The following ZFAT variants were observed in gnomAD, a reference collection of about 807,000 sequenced individuals.
ZFAT encodes the protein zinc finger protein ZFAT.
In ZFAT, 64 loss-of-function variants were observed where a neutral mutation model predicts 117.7. That is an observed-to-expected ratio of 0.54 (90% CI 0.44 to 0.67). The LOEUF (loss-of-function observed/expected upper bound fraction) is 0.67. Among genes scored for constraint, ZFAT ranks in the 30% least tolerant of loss-of-function variants. The probability of loss-of-function intolerance (pLI) is 0.00; values close to 1 mark genes in which losing one functional copy is unlikely to be tolerated. For synonymous variants in ZFAT, 679 were observed against 615.0 expected (o/e 1.10, Z -1.54); for missense variants, 1,433 against 1,584.5 (o/e 0.90, Z 1.62).
chr8:134,588,595 G>C (rs1826231510), intron 8 of ZFAT, among the ~76,000 whole-genome samples, 200 bp from the exon 9 acceptor site: 1 of 152,144 alleles, frequency 6.6e-6, no homozygotes, highest in African/African-American at 2.4e-5. Context: ...TCATGTATGA[G>C]GAATGGAGAA....
At chr8:134,512,333 G>T (rs1354394106) in intron 14 of ZFAT, 142 bp downstream of exon 14, 2 of 1,244,240 alleles carry the variant, frequency 1.6e-6, no homozygotes, top group African/African-American at 1.5e-5. Context: ...GCTGGCAATG[G>T]GGCTGCTTCT....
chr8:134,592,191 C>T (rs1451832751), intron 7 of ZFAT, among the ~76,000 whole-genome samples: 1 of 152,188 alleles, frequency 6.6e-6, no homozygotes, highest in East Asian at 1.9e-4. Flanking sequence ...CAAGTGTGTT[C>T]CACGCCTTGT....
At chr8:134,712,821 A>G (rs752373644) in intron 1 of ZFAT, 24 bp downstream of exon 1, 21 of 668,890 alleles carry the variant, frequency 3.1e-5, no homozygotes, top group Middle Eastern at 4.7e-4. Context: ...ACCCCGTCTC[A>G]CCCCAACCCC....
the ZFAT span, among the ~76,000 whole-genome samples, chr8:134,721,824 G>A: frequency 2.0e-5 from 3 of 152,228 alleles, no homozygotes; most frequent in African/African-American, 2.4e-5. Context: ...CAGCAGGGAC[G>A]GACTCACCTC....
intron 7 of ZFAT, among the ~76,000 whole-genome samples, chr8:134,594,345 C>T (rs545847398): frequency 1.7e-4 from 26 of 152,296 alleles, no homozygotes; most frequent in South Asian, 6.2e-4. Context: ...ACATACTGAC[C>T]GGGTGTACCC....
intron 1 of ZFAT, among the ~76,000 whole-genome samples, chr8:134,687,478 T>G (rs901547733): frequency 2.6e-5 from 4 of 152,194 alleles, no homozygotes; most frequent in Admixed American, 6.5e-5. Context: ...CCCTGGGCAA[T>G]GGAATACATT....
intron 8 of ZFAT, among the ~76,000 whole-genome samples, chr8:134,590,024 A>C (rs1826346767): frequency 6.6e-6 from 1 of 152,218 alleles, no homozygotes; most frequent in African/African-American, 2.4e-5. Context: ...TAAAAGGGGC[A>C]GAGGGTATCA....
At chr8:134,570,640 A>G (rs1385037319) in intron 10 of ZFAT, among the ~76,000 whole-genome samples, 1 of 152,180 alleles carries the variant, frequency 6.6e-6, no homozygotes, top group East Asian at 1.9e-4. Context: ...AGGTAAGGCT[A>G]GCAGTTAATT....
At chr8:134,801,781 T>G in the ZFAT span, among the ~76,000 whole-genome samples, 2 of 152,230 alleles carry the variant, frequency 1.3e-5, no homozygotes, top group Non-Finnish European at 2.9e-5. Flanking sequence ...ACTTCTGGAT[T>G]AATACATGTT....
In ZFAT at chr8:134,509,653, G is replaced by A; in HGVS notation, c.3458C>T (p.Ala1153Val). The A allele has an allele frequency of 6.2e-7, 1 of 1,613,430 alleles. No homozygotes were observed. The highest frequency in any genetic ancestry group is 8.5e-7 in the Non-Finnish European group (1 of 1,179,780). ...CACAGTCACCGTCCCTGGTGCCATG[G>A]CAACCACCGAGGCAAGGGCAGTGGC... Reference protein sequence around the residue: ...HDATALASVVAMAPGTVTVVK... With the variant: ...HDATALASVVVMAPGTVTVVK... The change falls in exon 15 of 16, where the codon GCC becomes GTC. Residue 1153 changes from alanine (A) to valine (V), a missense_variant. Ala to Val is a moderately conservative substitution (Grantham distance 64, BLOSUM62 0). Coordinates refer to ENST00000377838, the MANE Select transcript of ZFAT (RefSeq NM_020863.4).
chr8:134,730,057 G>T, the ZFAT span, among the ~76,000 whole-genome samples: 1 of 152,198 alleles, frequency 6.6e-6, no homozygotes, highest in African/African-American at 2.4e-5. Flanking sequence ...CTGCCATCTG[G>T]ATTTGGTGAC....
intron 3 of ZFAT, among the ~76,000 whole-genome samples, chr8:134,614,317 C>T (rs567149580): frequency 1.3e-5 from 2 of 152,330 alleles, no homozygotes; most frequent in African/African-American, 4.8e-5. Flanking sequence ...TTGACTGACA[C>T]CCGGTCCTGT....
chr8:134,720,663 G>A, the ZFAT span, among the ~76,000 whole-genome samples: 1 of 152,230 alleles, frequency 6.6e-6, no homozygotes, highest in Non-Finnish European at 1.5e-5. Flanking sequence ...AGGGCACCTT[G>A]CAGAAAGCAC....
the ZFAT span, among the ~76,000 whole-genome samples, chr8:134,758,592 T>A: frequency 6.6e-6 from 1 of 152,252 alleles, no homozygotes; most frequent in Non-Finnish European, 1.5e-5. Context: ...CTGGCCATTG[T>A]GTCTACATAT....
the ZFAT span, among the ~76,000 whole-genome samples, chr8:134,816,141 A>T: frequency 6.6e-6 from 1 of 152,202 alleles, no homozygotes; most frequent in Non-Finnish European, 1.5e-5. Context: ...ATCTCATTTA[A>T]CTTCATGACA....
intron 3 of ZFAT, among the ~76,000 whole-genome samples, chr8:134,621,264 T>C (rs899273084): frequency 1.3e-5 from 2 of 151,600 alleles, no homozygotes; most frequent in Non-Finnish European, 2.9e-5. Context: ...TGGGTGTAAA[T>C]GGAAATTTCT....
intron 3 of ZFAT, among the ~76,000 whole-genome samples, chr8:134,614,467 C>T (rs1330370233): frequency 6.6e-6 from 1 of 152,218 alleles, no homozygotes; most frequent in African/African-American, 2.4e-5. Flanking sequence ...CACCTTCTTA[C>T]CTCCTCCATT....
intron 3 of ZFAT, among the ~76,000 whole-genome samples, chr8:134,634,099 T>G (rs1432559308): frequency 6.6e-6 from 1 of 151,904 alleles, no homozygotes; most frequent in Non-Finnish European, 1.5e-5. Flanking sequence ...AGTGCCTATC[T>G]CTTAAGCTAC....
chr8:134,524,467 T>C (rs988394364), intron 12 of ZFAT, among the ~76,000 whole-genome samples: 3 of 152,094 alleles, frequency 2.0e-5, no homozygotes, highest in African/African-American at 7.2e-5. Flanking sequence ...ACTAGAAAAA[T>C]AATATGAATT....
Sources: allele counts gnomAD v4.1 joint callset (sites outside exome capture counted in the v4.1 genomes callset), GRCh38; gene constraint gnomAD v4.1.1; transcripts MANE v1.5; gene names NCBI Gene and HGNC (gene_info 2026-07-23, HGNC 2026-07-21).